The following DTNBP1 variants were observed in gnomAD, a reference collection of about 807,000 sequenced individuals.
DTNBP1 encodes dystrobrevin binding protein 1.
A neutral mutation model predicts 42.8 loss-of-function variants in DTNBP1; 35 were observed. The observed-to-expected ratio is 0.82, with a 90% confidence interval of 0.63 to 1.09. The LOEUF is 1.09. Ranked by LOEUF, DTNBP1 falls within the 50% of genes least tolerant of loss-of-function variation. The pLI is 0.00. For synonymous variants in DTNBP1, 171 were observed against 162.2 expected (o/e 1.05, Z -0.41); for missense variants, 457 against 424.2 (o/e 1.08, Z -0.68).
chr6:15,533,723 CCTT>C (rs1392361966), intron 7 of DTNBP1: 4 of 497,240 alleles, frequency 8.0e-6, no homozygotes, highest in East Asian at 5.7e-5. Context: ...CTCAGGTCGT[CCTT>C]CTACTAACTC....
chr6:15,533,196 ACAGCCGGTGAGTCCCCACACCAG>A (rs752816673), intron 8 of DTNBP1, 21 bp downstream of exon 8: 16 of 1,610,178 alleles, frequency 9.9e-6, no homozygotes, highest in Middle Eastern at 2.0e-4. Context: ...GCCACCCCGC[ACAGCCGGTGAGTCCCCACACCAG>A]CAGCCCCAGC....
At chr6:15,662,779 C>T (rs758776390) in intron 1 of DTNBP1, 35 bp downstream of exon 1, 53 of 1,611,862 alleles carry the variant, frequency 3.3e-5, no homozygotes, top group Admixed American at 1.0e-4. Context: ...GCCCGGCCCC[C>T]TCAGGTCCCT....
chr6:15,599,697 A>C (rs1441872583), intron 6 of DTNBP1, among the ~76,000 whole-genome samples: 1 of 152,204 alleles, frequency 6.6e-6, no homozygotes, highest in East Asian at 1.9e-4. Context: ...CCCTGAAGAC[A>C]TGTCGTGGTT....
intron 1 of DTNBP1, among the ~76,000 whole-genome samples, chr6:15,658,570 A>G (rs1413196028): frequency 6.6e-6 from 1 of 152,136 alleles, no homozygotes; most frequent in African/African-American, 2.4e-5. Context: ...ACAAATAGGA[A>G]ACACCAGCCT....
chr6:15,600,927 T>C (rs1776704107), intron 6 of DTNBP1, among the ~76,000 whole-genome samples: 3 of 152,060 alleles, frequency 2.0e-5, no homozygotes, highest in South Asian at 2.1e-4. Flanking sequence ...AATACAGTGG[T>C]TTGATAATGA....
intron 5 of DTNBP1, 93 bp downstream of exon 5, chr6:15,627,250 C>T: frequency 6.6e-7 from 1 of 1,518,388 alleles, no homozygotes; most frequent in African/African-American, 1.4e-5. Context: ...CCCAGAATTT[C>T]ATGTGTTCCT....
chr6:15,537,167 T>C (rs1773280884), intron 7 of DTNBP1, among the ~76,000 whole-genome samples: 1 of 152,200 alleles, frequency 6.6e-6, no homozygotes, highest in African/African-American at 2.4e-5. Flanking sequence ...ACGCCTGTAA[T>C]CCCAACACTT....
intron 1 of DTNBP1, among the ~76,000 whole-genome samples, chr6:15,654,658 T>C (rs554185665): frequency 2.0e-5 from 3 of 151,052 alleles, no homozygotes; most frequent in Non-Finnish European, 4.4e-5. Flanking sequence ...CGGTTTGAAA[T>C]GAAAGGGAAA....
chr6:15,646,517 A>T (rs1357115353), intron 3 of DTNBP1, among the ~76,000 whole-genome samples: 1 of 151,750 alleles, frequency 6.6e-6, no homozygotes, highest in African/African-American at 2.4e-5. Flanking sequence ...GAAAAAAAAA[A>T]TCTAAAATTC....
At chr6:15,609,424 A>G (rs1000283212) in intron 6 of DTNBP1, among the ~76,000 whole-genome samples, 5 of 151,780 alleles carry the variant, frequency 3.3e-5, no homozygotes, top group African/African-American at 1.2e-4. Flanking sequence ...GGTTCAAGTA[A>G]TTCTCCCACC....
At chr6:15,612,174 C>T (rs1758442284) in intron 6 of DTNBP1, among the ~76,000 whole-genome samples, 1 of 152,150 alleles carries the variant, frequency 6.6e-6, no homozygotes, top group African/African-American at 2.4e-5. Flanking sequence ...AAGTCAGCAG[C>T]CATTACCATA....
At chr6:15,529,177 CG>C (rs1202515987) in intron 8 of DTNBP1, among the ~76,000 whole-genome samples, 1 of 152,100 alleles carries the variant, frequency 6.6e-6, no homozygotes, top group Non-Finnish European at 1.5e-5. Flanking sequence ...CTCAGCTACT[CG>C]GGAGTCTGAG....
Position 15,585,672 on chromosome 6 carries a change from T to G in DTNBP1, c.511+7387A>C, listed in dbSNP as rs752140721. On this transcript the variant is annotated intron_variant, in intron 7 of 9. Transcript: ENST00000344537. ...GTATCCAGGCATGGAAATAAACATT[T>G]CAAAGGAAAGCAGCAAAGGAAAAAC... 56 of 1,528,390 alleles carry G rather than the reference T, an allele frequency of 3.7e-5. No homozygotes were observed. The South Asian group carries it at 4.4e-4, about 12-fold the overall frequency. The allele number at this position is 1,528,390 out of a possible 1,614,324, so 94.7% of individuals were successfully genotyped here.
At chr6:15,608,717 T>C (rs1019621534) in intron 6 of DTNBP1, among the ~76,000 whole-genome samples, 3 of 152,258 alleles carry the variant, frequency 2.0e-5, no homozygotes, top group Non-Finnish European at 4.4e-5. Flanking sequence ...TATTTCCTCA[T>C]GCTTGATGAA....
chr6:15,565,149 CT>C (rs1299363874), intron 7 of DTNBP1, among the ~76,000 whole-genome samples: 1 of 152,212 alleles, frequency 6.6e-6, no homozygotes, highest in African/African-American at 2.4e-5. Flanking sequence ...ATCACATCTA[CT>C]ACAATGGCTG....
chr6:15,600,499 C>T (rs145958146), intron 6 of DTNBP1, among the ~76,000 whole-genome samples: 1 of 152,082 alleles, frequency 6.6e-6, no homozygotes, highest in Non-Finnish European at 1.5e-5. Flanking sequence ...TTTATCTTGA[C>T]GATCAGAAAT....
At chr6:15,534,462 G>A (rs1050620545) in intron 7 of DTNBP1, among the ~76,000 whole-genome samples, 7 of 152,042 alleles carry the variant, frequency 4.6e-5, no homozygotes, top group African/African-American at 1.7e-4. Flanking sequence ...GACCAGCCTG[G>A]CCAATATGGT....
At chr6:15,600,975 G>A (rs186065873) in intron 6 of DTNBP1, among the ~76,000 whole-genome samples, 2 of 152,274 alleles carry the variant, frequency 1.3e-5, no homozygotes, top group Non-Finnish European at 2.9e-5. Context: ...GGATGTAGAA[G>A]AGCATGCCCA....
Position 15,524,128 on chromosome 6 carries a change from C to G in DTNBP1, c.811+398G>C, listed in dbSNP as rs771875118. ...ACCATGGCTTTGCCCATGGCAGGCA[C>G]GCCCCTAAATGCCTGTCGCACGAAG... On this transcript the variant is annotated intron_variant, in intron 9 of 9. Coordinates refer to ENST00000344537, the MANE Select transcript of DTNBP1 (RefSeq NM_032122.5). 6.6e-6 allele frequency: 9 copies of G among 1,367,850 alleles called. No individual in the cohort carries two copies. The African/African-American group carries it at 1.2e-4, about 18-fold the overall frequency. The allele number at this position is 1,367,850 out of a possible 1,614,324, so 84.7% of individuals were successfully genotyped here. A position where few individuals can be genotyped will look rare whatever the true frequency, so the allele number is the denominator to read the frequency against.
Sources: allele counts gnomAD v4.1 joint callset (sites outside exome capture counted in the v4.1 genomes callset), GRCh38; gene constraint gnomAD v4.1.1; transcripts MANE v1.5; gene names NCBI Gene and HGNC (gene_info 2026-07-23, HGNC 2026-07-21).